MYOM1: variants seen among roughly 807,000 people sequenced by gnomAD.
MYOM1 encodes the protein myomesin 1, also known as myomesin-1.
A neutral mutation model predicts 205.3 loss-of-function variants in MYOM1; 164 were observed. The observed-to-expected ratio is 0.80, with a 90% CI of 0.70 to 0.91. The LOEUF (loss-of-function observed/expected upper bound fraction) is 0.91, where lower values mean the gene tolerates loss of function less well. Among genes scored for constraint, MYOM1 ranks in the 40% least tolerant of loss-of-function variants. The pLI is 0.00. For synonymous variants in MYOM1, 772 were observed against 789.4 expected (o/e 0.98, Z 0.37); for missense variants, 2,011 against 2,127.3 (o/e 0.95, Z 1.08).
At chr18:3,233,694 GT>G in the MYOM1 span, among the ~76,000 whole-genome samples, 2 of 152,182 alleles carry the variant, frequency 1.3e-5, no homozygotes, top group Non-Finnish European at 2.9e-5. Flanking sequence ...AATGGAAACT[GT>G]CCACGGATTC....
intron 20 of MYOM1, among the ~76,000 whole-genome samples, chr18:3,117,965 T>A (rs1441797280): frequency 2.0e-5 from 3 of 152,176 alleles, no homozygotes; most frequent in Admixed American, 2.0e-4. Context: ...TCTTGTGTCA[T>A]CCTGAGAACC....
intron 10 of MYOM1, among the ~76,000 whole-genome samples, chr18:3,160,167 T>TTTC (rs1349262506): frequency 6.6e-6 from 1 of 150,572 alleles, no homozygotes; most frequent in African/African-American, 2.4e-5. Flanking sequence ...TTCCTTTCCT[T>TTTC]TTCTTCTTCT....
chr18:3,197,959 A>G (rs1472920575), intron 2 of MYOM1, among the ~76,000 whole-genome samples: 1 of 152,214 alleles, frequency 6.6e-6, no homozygotes, highest in Non-Finnish European at 1.5e-5. Flanking sequence ...CAGTTTGCAG[A>G]CCATAAAACC....
intron 13 of MYOM1, among the ~76,000 whole-genome samples, chr18:3,145,274 C>CACTCCAGCCTGGGAAACAGAGTGAG (rs2080109346): frequency 6.6e-6 from 1 of 150,540 alleles, no homozygotes; most frequent in Non-Finnish European, 1.5e-5. Context: ...TGAGCTGCTG[C>CACTCCAGCCTGGGAAACAGAGTGAG]ACTCCAGCCT....
intron 3 of MYOM1, among the ~76,000 whole-genome samples, chr18:3,192,745 C>G (rs1297038427): frequency 1.3e-5 from 2 of 152,092 alleles, no homozygotes; most frequent in African/African-American, 4.8e-5. Flanking sequence ...TATTACTGCT[C>G]AAAAATAATG....
intron 2 of MYOM1, among the ~76,000 whole-genome samples, chr18:3,199,537 T>C (rs1182253710): frequency 2.6e-5 from 4 of 152,174 alleles, no homozygotes; most frequent in Non-Finnish European, 5.9e-5. Context: ...AAACCAGATT[T>C]ACGTAAAAAT....
the MYOM1 span, among the ~76,000 whole-genome samples, chr18:3,244,295 C>A: frequency 3.3e-5 from 5 of 152,086 alleles, no homozygotes; most frequent in African/African-American, 1.2e-4. Flanking sequence ...TTTAGTGGGC[C>A]TTGAGAGGTA....
At chr18:3,159,438 T>C (rs2080349490) in intron 10 of MYOM1, among the ~76,000 whole-genome samples, 2 of 152,312 alleles carry the variant, frequency 1.3e-5, no homozygotes, top group South Asian at 2.1e-4. Flanking sequence ...TAAAATATTA[T>C]TTAAGCAATG....
At chr18:3,080,051 G>C (rs192986441) in intron 33 of MYOM1, among the ~76,000 whole-genome samples, 1 of 151,892 alleles carries the variant, frequency 6.6e-6, no homozygotes, top group African/African-American at 2.4e-5. Flanking sequence ...AGATATAGAC[G>C]AACTAAGAGA....
At chr18:3,246,762 C>G in the MYOM1 span, 4 of 152,348 alleles carry the variant, frequency 2.6e-5, no homozygotes, top group Admixed American at 6.5e-5. Flanking sequence ...CCACACTGGT[C>G]ACTGTCCCCT....
At chr18:3,161,599 A>G (rs1387761979) in intron 10 of MYOM1, among the ~76,000 whole-genome samples, 1 of 152,250 alleles carries the variant, frequency 6.6e-6, no homozygotes, top group African/African-American at 2.4e-5. Flanking sequence ...ACCCCAGGGC[A>G]CAGTGCAATA....
At chr18:3,133,413 G>A (rs1354959225) in intron 16 of MYOM1, among the ~76,000 whole-genome samples, 1 of 152,124 alleles carries the variant, frequency 6.6e-6, no homozygotes, top group African/African-American at 2.4e-5. Context: ...CACCATCAAT[G>A]TGCAAAGCTG....
chr18:3,219,853 G>C lies in MYOM1; in HGVS notation c.-79C>G, dbSNP rs12605942. 1 of 152,210 alleles carries C rather than the reference G, an allele frequency of 6.6e-6. No individual in the cohort carries two copies. The highest frequency in any genetic ancestry group is 1.5e-5 in the Non-Finnish European group (1 of 68,082). The allele number at this position is 152,210 out of a possible 1,614,324, so 9.4% of individuals were successfully genotyped here. On this transcript the variant is annotated 5_prime_UTR_variant, in exon 1 of 38. Coordinates refer to ENST00000356443, the MANE Select transcript of MYOM1 (RefSeq NM_003803.4). The surrounding 1 kb of genome is among the most constrained non-coding windows in gnomAD (Gnocchi z 4.4). Reference sequence around the variant, plus strand: ...GGAAATGTTCCGATGAGGCCGAGGAGCTGGATGAGAGAATGAAGACTCCAC... The same window carrying C: ...GGAAATGTTCCGATGAGGCCGAGGACCTGGATGAGAGAATGAAGACTCCAC...
intron 21 of MYOM1, among the ~76,000 whole-genome samples, chr18:3,114,544 ATTTTT>A (rs5822738): frequency 3.1e-4 from 27 of 88,342 alleles, no homozygotes; most frequent in African/African-American, 5.8e-4. Context: ...TGGTCAGCTA[ATTTTT>A]TTTTTTTTTT....
chr18:3,127,305 A>T (rs964770327), intron 18 of MYOM1, among the ~76,000 whole-genome samples: 1,136 of 47,572 alleles, frequency 0.024, 23 homozygotes, highest in African/African-American at 0.052. Flanking sequence ...ATATATATAT[A>T]TTTTTTTTTT....
intron 33 of MYOM1, among the ~76,000 whole-genome samples, chr18:3,082,484 T>C (rs1027324433): frequency 1.3e-5 from 2 of 152,182 alleles, no homozygotes; most frequent in Non-Finnish European, 2.9e-5. Flanking sequence ...CTTTGAGCAG[T>C]GCCCCCCATA....
At chr18:3,073,590 G>A (rs2078986075) in intron 36 of MYOM1, among the ~76,000 whole-genome samples, 1 of 152,192 alleles carries the variant, frequency 6.6e-6, no homozygotes, top group Non-Finnish European at 1.5e-5. Flanking sequence ...TCACTGTGTT[G>A]GCCTCAGTCT....
the MYOM1 span, among the ~76,000 whole-genome samples, chr18:3,225,542 G>C: frequency 6.6e-6 from 1 of 152,160 alleles, no homozygotes; most frequent in Non-Finnish European, 1.5e-5. Context: ...CCAATACAGA[G>C]GGGGAGGAGT....
chr18:3,172,860 T>G (rs1350738521), intron 8 of MYOM1, among the ~76,000 whole-genome samples: 3 of 152,186 alleles, frequency 2.0e-5, no homozygotes, highest in Non-Finnish European at 4.4e-5. Flanking sequence ...AGAACATGAT[T>G]CGGGATGTGC....
Sources: allele counts gnomAD v4.1 joint callset (sites outside exome capture counted in the v4.1 genomes callset), GRCh38; gene constraint gnomAD v4.1.1; non-coding constraint Gnocchi (gnomAD v3.1); transcripts MANE v1.5; gene names NCBI Gene and HGNC (gene_info 2026-07-23, HGNC 2026-07-21).